The following FRYL variants were observed in gnomAD, a reference collection of about 807,000 sequenced individuals.
FRYL encodes FRY like transcription coactivator, also known as protein furry homolog-like.
A neutral mutation model predicts 351.2 loss-of-function variants in FRYL; 150 were observed. The observed-to-expected ratio is 0.43, with a 90% CI of 0.37 to 0.49. FRYL has a LOEUF of 0.49. FRYL is among the 20% of genes least tolerant of loss of function. The pLI, the probability that FRYL is intolerant of heterozygous loss-of-function variation, is 0.00. For synonymous variants in FRYL, 1,153 were observed against 1,257.1 expected, an observed-to-expected ratio of 0.92 and a Z score of 1.75; for missense variants, 3,036 against 3,619.3, an observed-to-expected ratio of 0.84 and a Z score of 4.13.
chr4:48,650,170 A>G (rs940200410), intron 3 of FRYL, among the ~76,000 whole-genome samples: 3 of 152,198 alleles, frequency 2.0e-5, no homozygotes, highest in Admixed American at 1.3e-4. Context: ...ATGCATTCCT[A>G]CTTCAGGAAT....
rs146158770 is a variant in FRYL, at chr4:48,691,398, T to A, written c.-203-6603A>T. On this transcript the variant is annotated intron_variant, in intron 2 of 63. Transcript: ENST00000358350. ...ATGAAATGTCATCCATCAATTTTTTTAAAAATATATTGACTACTTTGCGAT... is the reference window on the plus strand; with the variant it reads ...ATGAAATGTCATCCATCAATTTTTTAAAAAATATATTGACTACTTTGCGAT... Among the ~76,000 whole-genome samples the A allele has an allele frequency of 2.5e-3, 384 of 152,268 alleles. 4 individuals carry two copies. The highest frequency in any genetic ancestry group is 6.6e-3 in the African/African-American group (274 of 41,560).
intron 63 of FRYL, among the ~76,000 whole-genome samples, 159 bp downstream of exon 63, chr4:48,499,871 C>CT (rs1200126348): frequency 1.4e-4 from 21 of 152,132 alleles, no homozygotes; most frequent in Non-Finnish European, 1.5e-5. Context: ...GAAAAGAAAT[C>CT]TAAAATTGGT....
At chr4:48,728,931 G>T (rs74647949) in intron 1 of FRYL, among the ~76,000 whole-genome samples, 1 of 152,230 alleles carries the variant, frequency 6.6e-6, no homozygotes, top group Admixed American at 6.5e-5. Flanking sequence ...ACCTCACCTG[G>T]GAAATGCAAG....
At chr4:48,661,670 C>T (rs533487138) in intron 3 of FRYL, among the ~76,000 whole-genome samples, 1 of 152,296 alleles carries the variant, frequency 6.6e-6, no homozygotes, top group African/African-American at 2.4e-5. Context: ...GTGACAAAAT[C>T]CAGCACTCAG....
intron 3 of FRYL, among the ~76,000 whole-genome samples, chr4:48,669,511 G>C (rs1334869877): frequency 6.6e-6 from 1 of 151,364 alleles, no homozygotes; most frequent in Non-Finnish European, 1.5e-5. Context: ...ATATACACCA[G>C]TCTTGTGACT....
Position 48,710,567 on chromosome 4 carries a change from G to A in FRYL, c.-252C>T. On this transcript the variant is annotated 5_prime_UTR_variant, in exon 2 of 64. Transcript: ENST00000358350. Reference sequence around the variant, plus strand: ...ACAGAGTTTGTAGAAAAGACACCAAGTTTGGAAAGGATCCATCTAGAAGCT... The same window carrying A: ...ACAGAGTTTGTAGAAAAGACACCAAATTTGGAAAGGATCCATCTAGAAGCT... 5.0e-6 allele frequency: 2 copies of A among 398,606 alleles called. No individual in the cohort carries two copies. Among genetic ancestry groups the A allele is most frequent in the Non-Finnish European group, 8.8e-6 (2 of 226,054 alleles). The allele number at this position is 398,606 out of a possible 1,614,324, so 24.7% of individuals were successfully genotyped here.
intron 50 of FRYL, among the ~76,000 whole-genome samples, chr4:48,528,756 A>G (rs1458252458): frequency 2.0e-5 from 3 of 152,152 alleles, no homozygotes; most frequent in African/African-American, 7.2e-5. Context: ...TTCAAAGCAT[A>G]TTGTCAAGTA....
At chr4:48,594,543 C>G (rs1248873009) in intron 15 of FRYL, among the ~76,000 whole-genome samples, 1 of 152,198 alleles carries the variant, frequency 6.6e-6, no homozygotes, top group Non-Finnish European at 1.5e-5. Flanking sequence ...CCTAATGTCA[C>G]AAGTTTTTTG....
chr4:48,524,720 A>C (rs144737569), intron 53 of FRYL, among the ~76,000 whole-genome samples: 17 of 152,268 alleles, frequency 1.1e-4, no homozygotes, highest in African/African-American at 3.9e-4. Context: ...AGTCCATTCT[A>C]AGGTTCTATT....
At chr4:48,689,895 CTTTT>C (rs869300628) in intron 2 of FRYL, among the ~76,000 whole-genome samples, 1 of 135,672 alleles carries the variant, frequency 7.4e-6, no homozygotes, top group Non-Finnish European at 1.6e-5. Flanking sequence ...TTCTTTTTTT[CTTTT>C]TTTTTTTTTT....
intron 47 of FRYL, among the ~76,000 whole-genome samples, chr4:48,536,852 G>C (rs140899570): frequency 6.6e-6 from 1 of 152,148 alleles, no homozygotes; most frequent in Non-Finnish European, 1.5e-5. Context: ...TAATTCGGAA[G>C]ATGTTTAATA....
At chr4:48,529,810 G>A (rs74563591) in intron 50 of FRYL, among the ~76,000 whole-genome samples, 344 of 152,068 alleles carry the variant, frequency 2.3e-3, no homozygotes, top group African/African-American at 7.8e-3. Context: ...AGGTGCCAGA[G>A]GGAAAAAAAA....
chr4:48,693,895 T>C (rs1765890914), intron 2 of FRYL, among the ~76,000 whole-genome samples: 1 of 152,230 alleles, frequency 6.6e-6, no homozygotes, highest in Non-Finnish European at 1.5e-5. Context: ...GAGTATTAAA[T>C]AATCCAAATT....
At chr4:48,576,752 A>G (rs921115403) in intron 23 of FRYL, among the ~76,000 whole-genome samples, 3 of 152,236 alleles carry the variant, frequency 2.0e-5, no homozygotes, top group Non-Finnish European at 4.4e-5. Context: ...ATAAAAGTTA[A>G]TATTTTATTG....
chr4:48,599,612 T>C (rs1745298688), intron 13 of FRYL, among the ~76,000 whole-genome samples: 1 of 152,206 alleles, frequency 6.6e-6, no homozygotes, highest in Non-Finnish European at 1.5e-5. Flanking sequence ...ACATTCCTTA[T>C]ACTACCTTCA....
chr4:48,549,577 C>T lies in FRYL; in HGVS notation c.4680G>A (p.Glu1560=). ...LYSNWRLKVM[E]HNQGEPLPFP... ...AGGGCAGTGGCTCTCCTTGGTTATG[C>T]TCCATCACTTTCAGTCGCCAATTAG... Residue 1560 remains glutamate (E), a synonymous_variant, in exon 39 of 64, where the codon GAG becomes GAA. Transcript: ENST00000358350. The surrounding 1 kb of genome is among the most constrained non-coding windows in gnomAD (Gnocchi z 4.2). 2 of 1,613,428 alleles carry T rather than the reference C, an allele frequency of 1.2e-6. No homozygotes were observed. Among genetic ancestry groups the T allele is most frequent in the Non-Finnish European group, 1.7e-6 (2 of 1,179,602 alleles).
At chr4:48,530,831 A>G (rs1727398923) in intron 50 of FRYL, among the ~76,000 whole-genome samples, 1 of 152,178 alleles carries the variant, frequency 6.6e-6, no homozygotes, top group African/African-American at 2.4e-5. Flanking sequence ...CCACTCCTTT[A>G]GATAGATGCT....
At chr4:48,533,573 C>T (rs533523712) in intron 49 of FRYL, among the ~76,000 whole-genome samples, 1 of 152,282 alleles carries the variant, frequency 6.6e-6, no homozygotes, top group Admixed American at 6.5e-5. Context: ...TGAATGCAAA[C>T]GTAACTGGAG....
chr4:48,761,007 CTGTGTGTGTG>C (rs57872533), intron 1 of FRYL, among the ~76,000 whole-genome samples: 22 of 134,432 alleles, frequency 1.6e-4, no homozygotes, highest in Admixed American at 3.7e-4. Context: ...ATTACTCTGT[CTGTGTGTGTG>C]TGTGTGTGTG....
Sources: gnomAD v4.1 joint callset for allele counts (sites outside exome capture counted in the v4.1 genomes callset) on GRCh38, gnomAD v4.1.1 for gene constraint, Gnocchi (gnomAD v3.1) non-coding constraint, MANE v1.5 for transcripts, NCBI Gene and HGNC (gene_info 2026-07-23, HGNC 2026-07-21) for gene names.